The following KCNJ3 variants were observed in gnomAD, a reference collection of about 807,000 sequenced individuals.
The protein encoded by KCNJ3 is G protein-activated inward rectifier potassium channel 1.
KCNJ3 carries 4 observed loss-of-function variants against 39.2 expected under a neutral mutation model. The ratio of observed to expected loss-of-function variants is 0.10; its 90% confidence interval spans 0.05 to 0.23. KCNJ3 has a LOEUF of 0.23. KCNJ3 is among the 10% of genes least tolerant of loss of function. KCNJ3 has a pLI of 1.00. For synonymous variants in KCNJ3, 230 were observed against 237.4 expected (o/e 0.97, Z 0.29); for missense variants, 276 against 634.9 (o/e 0.43, Z 6.08).
In KCNJ3 at chr2:154,806,576, G is replaced by A. The variant is rs552703155; in HGVS notation, c.920-48151G>A. On this transcript the variant is annotated intron_variant, in intron 2 of 2. Transcript: ENST00000295101. ...AAGAGACAAATAAGCCTTGAAGTCT[G>A]GCGTATTCAGCAATAACATACTGGA... is the stretch of plus-strand genomic sequence containing the variant. 9.2e-5 allele frequency among the ~76,000 whole-genome samples: 14 copies of A among 152,266 alleles called. No individual in the cohort carries two copies. The South Asian group carries it at 2.9e-3, about 32-fold the overall frequency.
At chr2:154,717,319 G>T (rs553269604) in intron 2 of KCNJ3, among the ~76,000 whole-genome samples, 52 of 152,296 alleles carry the variant, frequency 3.4e-4, no homozygotes, top group African/African-American at 1.2e-3. Flanking sequence ...AATTCTGCAG[G>T]CCATAAAGCT....
intron 2 of KCNJ3, among the ~76,000 whole-genome samples, chr2:154,794,842 T>G (rs2105212707): frequency 6.6e-6 from 1 of 152,108 alleles, no homozygotes; most frequent in Non-Finnish European, 1.5e-5. Flanking sequence ...TAGTAGGTAT[T>G]CAATAAATAC....
chr2:154,835,486 CATGAATATGAATATATATCA>C, intron 2 of KCNJ3, among the ~76,000 whole-genome samples: 2 of 81,364 alleles, frequency 2.5e-5, no homozygotes, highest in Non-Finnish European at 5.6e-5. Flanking sequence ...ATATAATATT[CATGAATATGAATATATATCA>C]AAATATATAT....
chr2:154,769,193 A>G (rs896112201), intron 2 of KCNJ3, among the ~76,000 whole-genome samples: 56 of 152,176 alleles, frequency 3.7e-4, no homozygotes, highest in African/African-American at 4.8e-5. Flanking sequence ...TCTCCTGCCT[A>G]ATTGCCCTGG....
At chr2:154,783,970 A>G (rs1470545779) in intron 2 of KCNJ3, among the ~76,000 whole-genome samples, 1 of 152,224 alleles carries the variant, frequency 6.6e-6, no homozygotes, top group African/African-American at 2.4e-5. Context: ...TAAAGGAATG[A>G]TAGAAGAGTA....
intron 2 of KCNJ3, among the ~76,000 whole-genome samples, chr2:154,793,086 G>A (rs1043135303): frequency 2.6e-5 from 4 of 151,950 alleles, no homozygotes; most frequent in African/African-American, 7.2e-5. Context: ...TTTTCCCTCC[G>A]AATATAGTAT....
At chr2:154,843,252 T>G (rs1687607933) in intron 2 of KCNJ3, among the ~76,000 whole-genome samples, 1 of 152,190 alleles carries the variant, frequency 6.6e-6, no homozygotes, top group South Asian at 2.1e-4. Flanking sequence ...TTTGAGAATG[T>G]TGAATATTGG....
intron 2 of KCNJ3, among the ~76,000 whole-genome samples, chr2:154,724,911 T>C (rs1015177746): frequency 4.2e-5 from 3 of 71,862 alleles, no homozygotes; most frequent in African/African-American, 2.3e-4. Flanking sequence ...ACAAGATACA[T>C]ATGAGGTATA....
At chr2:154,796,654 T>C (rs1686724937) in intron 2 of KCNJ3, among the ~76,000 whole-genome samples, 2 of 152,014 alleles carry the variant, frequency 1.3e-5, no homozygotes, top group Admixed American at 1.3e-4. Flanking sequence ...TTTTTTGTGA[T>C]ACTTATGAAA....
At chr2:154,735,085 G>GTA (rs1685504962) in intron 2 of KCNJ3, among the ~76,000 whole-genome samples, 1 of 151,386 alleles carries the variant, frequency 6.6e-6, no homozygotes, top group Non-Finnish European at 1.5e-5. Flanking sequence ...GTGTGTGTGT[G>GTA]TGTGTGTGTG....
chr2:154,705,304 C>T (rs1684984456), intron 1 of KCNJ3, among the ~76,000 whole-genome samples: 1 of 152,110 alleles, frequency 6.6e-6, no homozygotes, highest in South Asian at 2.1e-4. Context: ...TCCGCTTGTG[C>T]CAGGGCAGTG....
At chr2:154,775,413 C>A (rs1686316142) in intron 2 of KCNJ3, among the ~76,000 whole-genome samples, 1 of 152,142 alleles carries the variant, frequency 6.6e-6, no homozygotes. Context: ...CTAAACCACT[C>A]ATCTATATTA....
intron 2 of KCNJ3, among the ~76,000 whole-genome samples, chr2:154,727,766 A>G (rs926582734): frequency 1.3e-5 from 2 of 151,824 alleles, no homozygotes; most frequent in Non-Finnish European, 2.9e-5. Context: ...ACTTTTAAAA[A>G]TGGCGTTTAT....
intron 1 of KCNJ3, among the ~76,000 whole-genome samples, chr2:154,708,664 C>T (rs76622790): frequency 1.3e-5 from 2 of 151,732 alleles, no homozygotes; most frequent in African/African-American, 2.4e-5. Context: ...TATATGTGAC[C>T]GATATGGAAA....
intron 2 of KCNJ3, among the ~76,000 whole-genome samples, chr2:154,714,360 T>C (rs563991970): frequency 1.3e-5 from 2 of 152,290 alleles, no homozygotes; most frequent in African/African-American, 4.8e-5. Context: ...TTTTTCTTTC[T>C]CTTTATATTT....
chr2:154,738,185 A>G (rs190669694), intron 2 of KCNJ3, among the ~76,000 whole-genome samples: 348 of 152,202 alleles, frequency 2.3e-3, no homozygotes, highest in Non-Finnish European at 4.0e-3. Context: ...AAAGACAAAC[A>G]TTGCATGTTC....
chr2:154,771,265 C>G (rs1419554268), intron 2 of KCNJ3, among the ~76,000 whole-genome samples: 1 of 152,154 alleles, frequency 6.6e-6, no homozygotes, highest in Non-Finnish European at 1.5e-5. Context: ...GCTATTGATT[C>G]TGTCCCCCAT....
intron 2 of KCNJ3, among the ~76,000 whole-genome samples, chr2:154,818,141 A>G (rs1687113286): frequency 6.6e-6 from 1 of 152,152 alleles, no homozygotes; most frequent in African/African-American, 2.4e-5. Flanking sequence ...TATATATGAT[A>G]TATGGGTATA....
At chr2:154,805,101 T>A (rs948186944) in intron 2 of KCNJ3, among the ~76,000 whole-genome samples, 2 of 152,082 alleles carry the variant, frequency 1.3e-5, no homozygotes, top group Non-Finnish European at 2.9e-5. Flanking sequence ...AATTGGAATA[T>A]GGTGTGGAAT....
Sources: allele counts gnomAD v4.1 joint callset (sites outside exome capture counted in the v4.1 genomes callset), GRCh38; gene constraint gnomAD v4.1.1; transcripts MANE v1.5; gene names NCBI Gene and HGNC (gene_info 2026-07-23, HGNC 2026-07-21).